Variants in IRAK2 observed in about 807,000 individuals in gnomAD.
The protein encoded by IRAK2 is interleukin 1 receptor associated kinase 2.
A neutral mutation model predicts 72.0 loss-of-function variants in IRAK2; 57 were observed. The observed-to-expected ratio is 0.79, with a 90% CI of 0.64 to 0.99. IRAK2 has a LOEUF of 0.99. Among genes scored for constraint, IRAK2 ranks in the 50% least tolerant of loss-of-function variants. The pLI is 0.00. For synonymous variants in IRAK2, 293 were observed against 312.7 expected (o/e 0.94, Z 0.67); for missense variants, 790 against 794.4 (o/e 0.99, Z 0.07).
intron 3 of IRAK2, among the ~76,000 whole-genome samples, chr3:10,202,067 A>G (rs1697368470): frequency 6.6e-6 from 1 of 152,196 alleles, no homozygotes; most frequent in Admixed American, 6.5e-5. Context: ...ATCTGATATT[A>G]TGAACATTCC....
intron 8 of IRAK2, among the ~76,000 whole-genome samples, chr3:10,221,414 C>T (rs913002280): frequency 2.1e-4 from 31 of 150,612 alleles, no homozygotes; most frequent in Non-Finnish European, 4.1e-4. Flanking sequence ...CCACCATGCC[C>T]GGCTAACTTT....
At chr3:10,208,168 TGGCCAAA>T (rs1697460259) in intron 3 of IRAK2, among the ~76,000 whole-genome samples, 7 of 151,712 alleles carry the variant, frequency 4.6e-5, no homozygotes, top group African/African-American at 1.7e-4. Flanking sequence ...AAGCAGGCCT[TGGCCAAA>T]GGCCAAGGCC....
intron 2 of IRAK2, among the ~76,000 whole-genome samples, chr3:10,182,182 T>C (rs554657467): frequency 1.4e-4 from 22 of 152,228 alleles, no homozygotes; most frequent in African/African-American, 5.1e-4. Flanking sequence ...TTGGCCAGGC[T>C]GGTCTCGAAC....
chr3:10,175,748 GGC>G (rs1696862432), intron 1 of IRAK2, among the ~76,000 whole-genome samples: 1 of 151,942 alleles, frequency 6.6e-6, no homozygotes, highest in African/African-American at 2.4e-5. Flanking sequence ...AAATTAGCCA[GGC>G]GTGGTGGTGG....
intron 1 of IRAK2, among the ~76,000 whole-genome samples, chr3:10,169,907 T>G (rs931073384): frequency 6.6e-6 from 1 of 152,178 alleles, no homozygotes. Flanking sequence ...CGTAAGAAAT[T>G]ATAAAAGTAT....
intron 10 of IRAK2, among the ~76,000 whole-genome samples, chr3:10,227,866 T>G (rs1048906603): frequency 6.6e-6 from 1 of 151,918 alleles, no homozygotes; most frequent in Non-Finnish European, 1.5e-5. Flanking sequence ...AGATGGGGTT[T>G]CACTGTGTTA....
At chr3:10,175,447 A>G (rs1233111771) in intron 1 of IRAK2, among the ~76,000 whole-genome samples, 1 of 152,074 alleles carries the variant, frequency 6.6e-6, no homozygotes, top group Non-Finnish European at 1.5e-5. Context: ...AATGTTAATA[A>G]ATAAGACCAG....
intron 11 of IRAK2, among the ~76,000 whole-genome samples, chr3:10,235,767 A>G (rs1249108882): frequency 6.6e-6 from 1 of 152,160 alleles, no homozygotes; most frequent in Non-Finnish European, 1.5e-5. Context: ...GGGCAAGTGA[A>G]GGGCCACAGA....
intron 7 of IRAK2, 148 bp from the exon 8 acceptor site, chr3:10,219,532 A>G: frequency 1.6e-6 from 1 of 611,198 alleles, no homozygotes; most frequent in African/African-American, 1.8e-5. Context: ...GTTAGCCAGG[A>G]TGGTCTCGAT....
At chr3:10,196,677 G>T (rs1016855845) in intron 2 of IRAK2, among the ~76,000 whole-genome samples, 1 of 152,228 alleles carries the variant, frequency 6.6e-6, no homozygotes, top group African/African-American at 2.4e-5. Flanking sequence ...GGTTCTGGGA[G>T]GAGACCCCGC....
At chr3:10,192,672 G>A (rs529988837) in intron 2 of IRAK2, among the ~76,000 whole-genome samples, 1 of 152,186 alleles carries the variant, frequency 6.6e-6, no homozygotes, top group Non-Finnish European at 1.5e-5. Context: ...TATAATAACA[G>A]TAGTAGGAGG....
chr3:10,225,990 T>C (rs467190), intron 9 of IRAK2, among the ~76,000 whole-genome samples: 45,208 of 152,056 alleles, frequency 0.3, 8,111 homozygotes, highest in East Asian at 0.87. Context: ...TGATCCACCG[T>C]GCCCAGCCAG....
intron 1 of IRAK2, among the ~76,000 whole-genome samples, chr3:10,168,214 A>ATT (rs1696726158): frequency 7.9e-6 from 1 of 126,592 alleles, no homozygotes; most frequent in African/African-American, 3.3e-5. Context: ...TTCTTTTTTT[A>ATT]ATTTTTTTTT....
Position 10,200,497 on chromosome 3 carries a change from G to A in IRAK2, c.406G>A (p.Ala136Thr). 2 of 1,575,232 alleles carry A rather than the reference G, an allele frequency of 1.3e-6. No homozygotes were observed. Among genetic ancestry groups the A allele is most frequent in the South Asian group, 1.2e-5 (1 of 86,510 alleles). ...EQEEGQPVRM[A>T]TFPGPGSSPA... ...GGAAGAGGGGCAGCCTGTGAGGATG[G>A]CCACCTTTCCAGGCCCAGGTATTTT... Residue 136 changes from alanine to threonine, a missense_variant, in exon 3 of 13, where the codon GCC becomes ACC. By Grantham distance (58) the Ala-to-Thr change is moderately conservative (BLOSUM62 0). Coordinates refer to ENST00000256458, the MANE Select transcript of IRAK2 (RefSeq NM_001570.4).
chr3:10,186,946 CA>C (rs1184348666), intron 2 of IRAK2, among the ~76,000 whole-genome samples: 6 of 149,794 alleles, frequency 4.0e-5, no homozygotes, highest in African/African-American at 1.3e-4. Context: ...ACTATAAGTG[CA>C]AACCACCATG....
chr3:10,237,552 A>G (rs941068102), intron 11 of IRAK2, among the ~76,000 whole-genome samples: 3 of 152,172 alleles, frequency 2.0e-5, no homozygotes, highest in African/African-American at 7.2e-5. Context: ...TCACGCCTGT[A>G]ATCTCAGCAC....
intron 2 of IRAK2, among the ~76,000 whole-genome samples, chr3:10,179,863 C>T (rs1310607036): frequency 6.6e-6 from 1 of 152,188 alleles, no homozygotes; most frequent in African/African-American, 2.4e-5. Context: ...AGCCACCATG[C>T]CCAGCCATTT....
At chr3:10,186,086 A>G (rs1697070625) in intron 2 of IRAK2, among the ~76,000 whole-genome samples, 3 of 151,370 alleles carry the variant, frequency 2.0e-5, no homozygotes, top group Admixed American at 6.6e-5. Context: ...AACAACAACA[A>G]CAACAAAACA....
chr3:10,171,245 G>A (rs972229155), intron 1 of IRAK2, among the ~76,000 whole-genome samples: 9 of 152,186 alleles, frequency 5.9e-5, no homozygotes, highest in Admixed American at 2.6e-4. Context: ...GTTCACTCAT[G>A]CGTGTGCCAG....
Sources: allele counts gnomAD v4.1 joint callset (sites outside exome capture counted in the v4.1 genomes callset), GRCh38; gene constraint gnomAD v4.1.1; transcripts MANE v1.5; gene names NCBI Gene and HGNC (gene_info 2026-07-23, HGNC 2026-07-21).